Variants in MROH2B observed in about 807,000 individuals in gnomAD.
MROH2B encodes maestro heat like repeat family member 2B.
In MROH2B, 177 loss-of-function variants were observed where a neutral mutation model predicts 208.6. The ratio of observed to expected loss-of-function variants is 0.85; its 90% CI spans 0.75 to 0.96. The LOEUF is 0.96. Ranked by LOEUF, MROH2B falls within the 40% of genes least tolerant of loss-of-function variation. The pLI is 0.00. For missense variants in MROH2B, 2,002 were observed against 1,878.7 expected (o/e 1.07, Z -1.21); for synonymous variants, 728 against 659.0 (o/e 1.10, Z -1.60).
In MROH2B at chr5:41,069,678, C is replaced by T; in HGVS notation, c.90+13G>A. 1 of 1,586,496 alleles carries T rather than the reference C, an allele frequency of 6.3e-7. No individual in the cohort carries two copies. Among genetic ancestry groups the T allele is most frequent in the Non-Finnish European group, 8.6e-7 (1 of 1,163,222 alleles). On this transcript the variant is annotated intron_variant, in intron 2 of 41. Transcript: ENST00000399564. ...CTGAAAAAGGGAAAAAGATTTTTCT[C>T]TGTTTTCCCTACCTTGTTAACAATA...
intron 36 of MROH2B, 66 bp downstream of exon 36, chr5:41,004,708 G>C (rs1741518284): frequency 1.3e-6 from 2 of 1,568,152 alleles, no homozygotes; most frequent in Non-Finnish European, 1.7e-6. Flanking sequence ...AACTAGGCGT[G>C]GGTTATTAAA....
chr5:41,067,291 T>C (rs1392086473), intron 2 of MROH2B, 73 bp from the exon 3 acceptor site: 5 of 762,052 alleles, frequency 6.6e-6, no homozygotes, highest in Non-Finnish European at 1.1e-5. Context: ...TCCTAATGAA[T>C]AACACCATTA....
At position 41,024,807 on chromosome 5, in the gene MROH2B, T is replaced by C. The variant is rs1742291038; in HGVS notation, c.2442-5789A>G. ...GAAGTAAAGCTCTCCTCAGCAAATG[T>C]AAAAGAACAGAAATTATAACAAACT... On this transcript the variant is annotated intron_variant, in intron 24 of 41. Coordinates refer to ENST00000399564, the MANE Select transcript of MROH2B (RefSeq NM_173489.5). Among the ~76,000 whole-genome samples, 3 of 152,308 alleles carry C rather than the reference T, an allele frequency of 2.0e-5. No homozygotes were observed. In the South Asian group the frequency reaches 6.2e-4, roughly 32 times the overall value.
chr5:41,040,984 T>G (rs1474142298), intron 19 of MROH2B, among the ~76,000 whole-genome samples: 1 of 152,082 alleles, frequency 6.6e-6, no homozygotes, highest in Non-Finnish European at 1.5e-5. Flanking sequence ...TTTTTAAAGT[T>G]TGTGAAACCC....
At chr5:41,003,918 G>A (rs979526999) in intron 37 of MROH2B, among the ~76,000 whole-genome samples, 6 of 152,264 alleles carry the variant, frequency 3.9e-5, no homozygotes, top group African/African-American at 1.4e-4. Context: ...TTGAAATTGC[G>A]ATTATGGAGT....
At chr5:41,020,125 G>A (rs1742095922) in intron 24 of MROH2B, among the ~76,000 whole-genome samples, 1 of 151,556 alleles carries the variant, frequency 6.6e-6, no homozygotes, top group South Asian at 2.1e-4. Context: ...GTAACACATG[G>A]GATTTTGAAG....
At chr5:41,010,936 T>G (rs563099202) in intron 30 of MROH2B, among the ~76,000 whole-genome samples, 8 of 152,254 alleles carry the variant, frequency 5.3e-5, no homozygotes, top group Middle Eastern at 3.4e-3. Context: ...CTCTAAAAAA[T>G]CTATTTTTTA....
intron 19 of MROH2B, among the ~76,000 whole-genome samples, chr5:41,041,312 G>A (rs1184947269): frequency 6.6e-6 from 1 of 151,890 alleles, no homozygotes; most frequent in Non-Finnish European, 1.5e-5. Context: ...TTTTTTGTTG[G>A]TTTATTTGTT....
At chr5:41,018,557 A>G in intron 26 of MROH2B, 127 bp from the exon 27 acceptor site, 1 of 1,411,964 alleles carries the variant, frequency 7.1e-7, no homozygotes, top group East Asian at 2.4e-5. Flanking sequence ...ATTTTTAAGT[A>G]GATGGCTGTA....
rs1354218068 is a variant in MROH2B at position 41,033,728 on chromosome 5, C to T, written c.2241+110G>A. ...GGATTGTTACATGTTGGAAACCTTT[C>T]AATTGGAATCAAATCAAAAGGACAT... On this transcript the variant is annotated intron_variant, in intron 22 of 41. Coordinates refer to ENST00000399564, the MANE Select transcript of MROH2B (RefSeq NM_173489.5). 4.6e-6 allele frequency: 4 copies of T among 874,944 alleles called. No homozygotes were observed. In the African/African-American group the frequency reaches 6.7e-5, roughly 15 times the overall value. 54.2% of individuals were successfully genotyped at this position (874,944 alleles called of 1,614,324 possible).
chr5:41,000,487 C>T, intron 38 of MROH2B, 136 bp from the exon 39 acceptor site: 1 of 1,348,572 alleles, frequency 7.4e-7, no homozygotes, highest in Non-Finnish European at 1.0e-6. Context: ...TTGCTGGCAC[C>T]TTCCCAGTTT....
intron 21 of MROH2B, among the ~76,000 whole-genome samples, chr5:41,036,381 C>T (rs1282131565): frequency 6.6e-6 from 1 of 152,090 alleles, no homozygotes; most frequent in African/African-American, 2.4e-5. Flanking sequence ...TGAGACATGC[C>T]TTTCACCTTC....
intron 37 of MROH2B, among the ~76,000 whole-genome samples, chr5:41,001,791 G>T (rs1741407315): frequency 6.6e-6 from 1 of 151,972 alleles, no homozygotes; most frequent in African/African-American, 2.4e-5. Context: ...TTACCTCATT[G>T]GAGTTACGTT....
chr5:41,004,660 A>G (rs1741516076), intron 36 of MROH2B, 114 bp downstream of exon 36: 1 of 1,525,916 alleles, frequency 6.6e-7, no homozygotes, highest in Non-Finnish European at 8.8e-7. Flanking sequence ...CTACCACTTC[A>G]GCAATGTATC....
At chr5:41,063,814 C>T (rs1743715244) in intron 5 of MROH2B, among the ~76,000 whole-genome samples, 1 of 152,162 alleles carries the variant, frequency 6.6e-6, no homozygotes, top group African/African-American at 2.4e-5. Context: ...ATCCAAGAAA[C>T]TTCCCTGTAC....
At chr5:41,015,291 C>T (rs1579912109) in intron 29 of MROH2B, 90 bp downstream of exon 29, 1 of 1,148,244 alleles carries the variant, frequency 8.7e-7, no homozygotes, top group Non-Finnish European at 1.2e-6. Context: ...GCTTGAATAT[C>T]TATCTTCTTT....
At chr5:41,009,861 TC>T in intron 31 of MROH2B, 60 bp downstream of exon 31, 1 of 1,513,520 alleles carries the variant, frequency 6.6e-7, no homozygotes, top group Non-Finnish European at 8.9e-7. Flanking sequence ...CGTAAATCCC[TC>T]CCCAGTGCCT....
At chr5:41,051,226 T>C in intron 12 of MROH2B, 136 bp from the exon 13 acceptor site, 1 of 443,730 alleles carries the variant, frequency 2.3e-6, no homozygotes, top group Non-Finnish European at 3.9e-6. Context: ...AACCTAGATA[T>C]CTTGGCCTTC....
chr5:41,035,572 G>C (rs1293298580), intron 21 of MROH2B, among the ~76,000 whole-genome samples: 1 of 152,038 alleles, frequency 6.6e-6, no homozygotes, highest in Non-Finnish European at 1.5e-5. Context: ...CTATGCATCT[G>C]ACAAAGGTCT....
Sources: allele counts gnomAD v4.1 joint callset (sites outside exome capture counted in the v4.1 genomes callset), GRCh38; gene constraint gnomAD v4.1.1; transcripts MANE v1.5; gene names NCBI Gene and HGNC (gene_info 2026-07-23, HGNC 2026-07-21).